Variants in MAGI2 observed in about 807,000 individuals in gnomAD.
MAGI2 encodes the protein membrane-associated guanylate kinase, WW and PDZ domain-containing protein 2.
In MAGI2, 35 loss-of-function variants were observed where a neutral mutation model predicts 133.3. That is an observed-to-expected ratio of 0.26 (90% CI 0.20 to 0.35). The LOEUF is 0.35. Ranked by LOEUF, MAGI2 falls within the 10% of genes least tolerant of loss-of-function variation. The probability of loss-of-function intolerance (pLI) is 1.00; values close to 1 mark genes in which losing one functional copy is unlikely to be tolerated. For synonymous variants in MAGI2, 729 were observed against 710.6 expected (o/e 1.03, Z -0.41); for missense variants, 1,636 against 1,863.4 (o/e 0.88, Z 2.25).
At chr7:78,086,527 G>A (rs113538993) in intron 20 of MAGI2, among the ~76,000 whole-genome samples, 147 of 151,252 alleles carry the variant, frequency 9.7e-4, no homozygotes, top group Non-Finnish European at 1.7e-3. Context: ...GTAAGGCACC[G>A]CACCCGGTCT....
intron 11 of MAGI2, 23 bp downstream of exon 11, chr7:78,201,137 AAG>A: frequency 6.9e-7 from 1 of 1,443,756 alleles, no homozygotes; most frequent in Non-Finnish European, 9.3e-7. Context: ...GAAATAAAGA[AAG>A]AAGCATAATA....
chr7:78,693,368 T>C (rs759546075), intron 2 of MAGI2, among the ~76,000 whole-genome samples: 1 of 152,156 alleles, frequency 6.6e-6, no homozygotes. Context: ...CCAAAATATA[T>C]AGTGTTACTT....
chr7:79,154,818 G>C (rs1823603354), intron 1 of MAGI2, among the ~76,000 whole-genome samples: 1 of 152,112 alleles, frequency 6.6e-6, no homozygotes, highest in South Asian at 2.1e-4. Flanking sequence ...GGAATGGTCT[G>C]CTGCTCTTTT....
At chr7:78,699,203 G>A (rs1817819155) in intron 2 of MAGI2, among the ~76,000 whole-genome samples, 1 of 152,090 alleles carries the variant, frequency 6.6e-6, no homozygotes, top group Non-Finnish European at 1.5e-5. Flanking sequence ...TCTGCCTTGC[G>A]GGCTCAAACA....
At chr7:78,222,630 T>C (rs1193112617) in intron 10 of MAGI2, among the ~76,000 whole-genome samples, 1 of 152,166 alleles carries the variant, frequency 6.6e-6, no homozygotes, top group Admixed American at 6.5e-5. Context: ...CCAAACACAG[T>C]AGGGTTTGAA....
chr7:79,172,545 T>C (rs954424936), intron 1 of MAGI2, among the ~76,000 whole-genome samples: 1 of 152,070 alleles, frequency 6.6e-6, no homozygotes, highest in Non-Finnish European at 1.5e-5. Context: ...ATGTTAATAG[T>C]TCAAATTAGA....
At chr7:78,306,290 G>C (rs1798239701) in intron 9 of MAGI2, among the ~76,000 whole-genome samples, 1 of 152,160 alleles carries the variant, frequency 6.6e-6, no homozygotes, top group Admixed American at 6.5e-5. Flanking sequence ...TTATGTGAGT[G>C]ATGAACTCAA....
chr7:78,804,622 G>A (rs1303604449), intron 2 of MAGI2, among the ~76,000 whole-genome samples: 5 of 151,508 alleles, frequency 3.3e-5, no homozygotes, highest in Non-Finnish European at 5.9e-5. Context: ...GGTGGCGGGC[G>A]CCTGTAGTCC....
At chr7:78,641,913 A>G (rs1303775092) in intron 2 of MAGI2, among the ~76,000 whole-genome samples, 2 of 152,158 alleles carry the variant, frequency 1.3e-5, no homozygotes, top group Non-Finnish European at 2.9e-5. Context: ...ATCTGTTCCT[A>G]TAAGTGAAGG....
chr7:78,702,694 T>A (rs1295914095), intron 2 of MAGI2, among the ~76,000 whole-genome samples: 1 of 151,998 alleles, frequency 6.6e-6, no homozygotes, highest in Non-Finnish European at 1.5e-5. Context: ...CCCTTTCATG[T>A]GGGGTGATTA....
chr7:78,889,736 C>A (rs1796583013), intron 2 of MAGI2, among the ~76,000 whole-genome samples: 1 of 152,138 alleles, frequency 6.6e-6, no homozygotes, highest in South Asian at 2.1e-4. Flanking sequence ...AAGAACTAAA[C>A]ATGGAAAGGA....
At chr7:78,020,084 C>T (rs967443207) in intron 21 of MAGI2, 108 bp from the exon 22 acceptor site, 3 of 986,574 alleles carry the variant, frequency 3.0e-6, no homozygotes, top group Non-Finnish European at 4.2e-6. Context: ...TCTCAGGGGC[C>T]GGAGCCACCG....
chr7:78,399,533 A>C (rs866582764), intron 6 of MAGI2, among the ~76,000 whole-genome samples: 1 of 152,214 alleles, frequency 6.6e-6, no homozygotes, highest in Non-Finnish European at 1.5e-5. Context: ...GGCTGGGTGC[A>C]GTGGCTCATG....
chr7:78,174,113 T>G (rs1217657617), intron 14 of MAGI2, among the ~76,000 whole-genome samples: 2 of 152,174 alleles, frequency 1.3e-5, no homozygotes, highest in African/African-American at 4.8e-5. Flanking sequence ...GATCCTTACT[T>G]GTTCTGAGAA....
chr7:79,306,370 C>T (rs963485034), intron 1 of MAGI2, among the ~76,000 whole-genome samples: 2 of 147,286 alleles, frequency 1.4e-5, no homozygotes, highest in African/African-American at 5.0e-5. Flanking sequence ...TTATGTTGTC[C>T]AGGCTCATCT....
At chr7:78,312,707 T>A (rs1474509860) in intron 9 of MAGI2, among the ~76,000 whole-genome samples, 1 of 152,076 alleles carries the variant, frequency 6.6e-6, no homozygotes, top group African/African-American at 2.4e-5. Flanking sequence ...GTCAATTAGT[T>A]CAACTTCTAT....
At chr7:78,976,326 A>T (rs1197904845) in intron 2 of MAGI2, among the ~76,000 whole-genome samples, 1 of 151,544 alleles carries the variant, frequency 6.6e-6, no homozygotes, top group Non-Finnish European at 1.5e-5. Context: ...GGAGAAGAAA[A>T]TCTATGATAT....
chr7:78,744,228 G>T (rs536104437), intron 2 of MAGI2, among the ~76,000 whole-genome samples: 6 of 151,728 alleles, frequency 4.0e-5, no homozygotes, highest in African/African-American at 1.5e-4. Context: ...TTTTTTCCAC[G>T]CTAATTTTAT....
intron 1 of MAGI2, among the ~76,000 whole-genome samples, chr7:79,323,807 T>A (rs1406021799): frequency 6.6e-6 from 1 of 152,132 alleles, no homozygotes; most frequent in African/African-American, 2.4e-5. Flanking sequence ...AAGGTGTATA[T>A]GGGAGCCTTG....
Sources: gnomAD v4.1 joint callset for allele counts (sites outside exome capture counted in the v4.1 genomes callset) on GRCh38, gnomAD v4.1.1 for gene constraint, MANE v1.5 for transcripts, NCBI Gene and HGNC (gene_info 2026-07-23, HGNC 2026-07-21) for gene names.